Variants in PPM1D observed in about 807,000 individuals in gnomAD.
PPM1D encodes the protein protein phosphatase 1D.
Under a neutral mutation model 58.3 loss-of-function variants are expected in PPM1D, and 52 were observed. The ratio of observed to expected loss-of-function variants is 0.89; its 90% CI spans 0.71 to 1.12. The LOEUF (loss-of-function observed/expected upper bound fraction) is 1.12, where lower values mean the gene tolerates loss of function less well. PPM1D is among the 50% of genes most tolerant of loss of function. PPM1D has a pLI of 0.00. For missense variants in PPM1D, 564 were observed against 777.2 expected (o/e 0.73, Z 3.26); for synonymous variants, 278 against 285.1 (o/e 0.98, Z 0.25).
rs1385064046 is a variant in PPM1D, at chr17:60,648,081, T to A, written c.1016T>A (p.Met339Lys). Reference protein sequence around the residue: ...CQDQEEKKYLMGEHGQSCAKM... With the variant: ...CQDQEEKKYLKGEHGQSCAKM... The stretch of plus-strand genomic sequence containing the variant: ...GACCAAGAGGAGAAAAAATACCTGA[T>A]GGTGAGATGTGATTGAATAACTTGA... The change falls in exon 4 of 6, where the codon ATG becomes AAG. Residue 339 changes from methionine to lysine, a missense_variant and splice_region_variant. Physicochemically the swap from Met to Lys is moderately conservative, Grantham distance 95. Transcript: ENST00000305921. 1 of 1,602,186 alleles carries A rather than the reference T, an allele frequency of 6.2e-7. No homozygotes were observed.
chr17:60,642,939 C>T (rs1399265749), intron 3 of PPM1D, among the ~76,000 whole-genome samples: 4 of 151,420 alleles, frequency 2.6e-5, no homozygotes, highest in East Asian at 4.0e-4. Flanking sequence ...TGGTGGCGGG[C>T]GCCTTATAGT....
At chr17:60,629,011 T>C (rs1218967023) in intron 2 of PPM1D, among the ~76,000 whole-genome samples, 1 of 152,246 alleles carries the variant, frequency 6.6e-6, no homozygotes, top group Non-Finnish European at 1.5e-5. Context: ...TATACATCTT[T>C]TCATTACTGA....
intron 4 of PPM1D, among the ~76,000 whole-genome samples, chr17:60,648,374 A>G (rs957831207): frequency 2.1e-4 from 31 of 150,350 alleles, no homozygotes; most frequent in African/African-American, 7.0e-4. Flanking sequence ...TTTCCATACC[A>G]TAAAATTTAT....
chr17:60,662,441 A>G (rs1598415187), intron 5 of PPM1D: 1 of 153,086 alleles, frequency 6.5e-6, no homozygotes, highest in Non-Finnish European at 1.5e-5. Context: ...TAAGCACTTA[A>G]TGGCATCTTA....
In PPM1D at chr17:60,647,953, A is replaced by C. The variant is rs1370819031; in HGVS notation, c.888A>C (p.Thr296=). The C allele has an allele frequency of 1.2e-6, 2 of 1,613,472 alleles. No individual in the cohort carries two copies. Among genetic ancestry groups the C allele is most frequent in the Admixed American group, 3.3e-5 (2 of 60,000 alleles). ...TTGTGGTGTCACCTGAACCAGACAC[A>C]AGTGTCCACACTCTTGACCCTCAGA... ...GEFVVSPEPD[T]SVHTLDPQKH... is the part of the protein sequence containing the mutation. Residue 296 remains threonine (T), a synonymous_variant, in exon 4 of 6, where the codon ACA becomes ACC. Coordinates refer to ENST00000305921, the MANE Select transcript of PPM1D (RefSeq NM_003620.4).
chr17:60,642,825 G>C (rs1223678154), intron 3 of PPM1D, among the ~76,000 whole-genome samples: 1 of 152,078 alleles, frequency 6.6e-6, no homozygotes. Context: ...CCAGCACTTT[G>C]GAAGGCCGAG....
At chr17:60,627,412 ATTTTCT>A (rs1474842454) in intron 2 of PPM1D, among the ~76,000 whole-genome samples, 2 of 150,680 alleles carry the variant, frequency 1.3e-5, no homozygotes, top group African/African-American at 2.5e-5. Context: ...ATGCCAGCTA[ATTTTCT>A]TTTTCTTTCT....
chr17:60,628,296 C>T (rs1000510185), intron 2 of PPM1D, among the ~76,000 whole-genome samples: 3 of 152,218 alleles, frequency 2.0e-5, no homozygotes, highest in Non-Finnish European at 4.4e-5. Context: ...TCCCAGGCTT[C>T]CCCACTATCC....
chr17:60,619,943 A>C (rs1262204288), intron 1 of PPM1D, among the ~76,000 whole-genome samples: 1 of 151,616 alleles, frequency 6.6e-6, no homozygotes, highest in Non-Finnish European at 1.5e-5. Context: ...TCTTTGACAA[A>C]TGTCTATTCA....
chr17:60,641,149 C>T (rs1186904202), intron 3 of PPM1D, among the ~76,000 whole-genome samples: 1 of 152,144 alleles, frequency 6.6e-6, no homozygotes, highest in Admixed American at 6.5e-5. Flanking sequence ...AATGGTAGTT[C>T]TAAGTTCTTT....
intron 3 of PPM1D, among the ~76,000 whole-genome samples, chr17:60,646,918 A>G (rs1260228069): frequency 2.0e-5 from 3 of 152,154 alleles, no homozygotes; most frequent in Non-Finnish European, 4.4e-5. Context: ...TCATTTTTAT[A>G]TTTTGAATTT....
rs2031414974 is a variant in PPM1D, at chr17:60,655,237, G to GAATCT, written c.1018-1361_1018-1357dup. Among the ~76,000 whole-genome samples, 2 of 152,068 alleles carry GAATCT rather than the reference G, an allele frequency of 1.3e-5. 1 individual carries two copies. The highest frequency in any genetic ancestry group is 4.1e-4 in the South Asian group (2 of 4,826). On this transcript the variant is annotated intron_variant, in intron 4 of 5. Coordinates refer to ENST00000305921, the MANE Select transcript of PPM1D (RefSeq NM_003620.4). ...GTTGAGTCATTTTCTTCGATTTGCA[G>GAATCT]AATCTCTTATGTTAGAAGGAATTTG... is the stretch of plus-strand genomic sequence containing the variant.
chr17:60,654,761 G>T, intron 4 of PPM1D, among the ~76,000 whole-genome samples: 1 of 151,536 alleles, frequency 6.6e-6, no homozygotes, highest in South Asian at 2.1e-4. Context: ...CCAGCTACTT[G>T]GGAGGCTGAG....
chr17:60,655,507 C>G (rs1229519217), intron 4 of PPM1D, among the ~76,000 whole-genome samples: 1 of 152,034 alleles, frequency 6.6e-6, no homozygotes, highest in African/African-American at 2.4e-5. Flanking sequence ...CACCACCATG[C>G]CTGACTAATT....
At chr17:60,657,761 CAG>C (rs1224027049) in intron 5 of PPM1D, among the ~76,000 whole-genome samples, 16 of 152,162 alleles carry the variant, frequency 1.1e-4, no homozygotes, top group Admixed American at 5.9e-4. Flanking sequence ...GTTTTTGAGA[CAG>C]AGTTTCACTC....
chr17:60,653,298 C>A (rs529007994), intron 4 of PPM1D, among the ~76,000 whole-genome samples: 1 of 152,228 alleles, frequency 6.6e-6, no homozygotes, highest in South Asian at 2.1e-4. Context: ...TTTCCCCCTA[C>A]CATTTATTGT....
chr17:60,645,655 TATATACACACACACAC>T (rs1178930454), intron 3 of PPM1D, among the ~76,000 whole-genome samples: 14 of 141,766 alleles, frequency 9.9e-5, no homozygotes, highest in Non-Finnish European at 2.0e-4. Context: ...TGTATATATA[TATATACACACACACAC>T]ATATACATAT....
intron 3 of PPM1D, among the ~76,000 whole-genome samples, chr17:60,643,388 A>G (rs913496437): frequency 3.9e-5 from 6 of 152,206 alleles, no homozygotes; most frequent in African/African-American, 1.4e-4. Flanking sequence ...CTCAAAAAAA[A>G]GAAACCTTTT....
At chr17:60,624,866 G>A (rs1166930328) in intron 2 of PPM1D, among the ~76,000 whole-genome samples, 1 of 151,926 alleles carries the variant, frequency 6.6e-6, no homozygotes, top group Non-Finnish European at 1.5e-5. Context: ...GAGGCTGGGC[G>A]CAGTGGCTCA....
Sources: gnomAD v4.1 joint callset for allele counts (sites outside exome capture counted in the v4.1 genomes callset) on GRCh38, gnomAD v4.1.1 for gene constraint, MANE v1.5 for transcripts, NCBI Gene and HGNC (gene_info 2026-07-23, HGNC 2026-07-21) for gene names.